Variants in LONP1 observed in about 807,000 individuals in gnomAD.
LONP1 encodes lon protease homolog, mitochondrial.
LONP1 carries 31 observed loss-of-function variants against 98.5 expected under a neutral mutation model. That is an observed-to-expected ratio of 0.31 (90% CI 0.24 to 0.42). LONP1 has a LOEUF of 0.42. LONP1 is among the 20% of genes least tolerant of loss of function. LONP1 has a pLI of 1.00. For synonymous variants in LONP1, 781 were observed against 594.7 expected, an observed-to-expected ratio of 1.31 and a Z score of -4.56; for missense variants, 1,336 against 1,350.6, an observed-to-expected ratio of 0.99 and a Z score of 0.17.
intron 4 of LONP1, chr19:5,708,610 G>A: frequency 4.4e-6 from 2 of 457,634 alleles, no homozygotes; most frequent in Non-Finnish European, 8.3e-6. Context: ...GACCAAGAGA[G>A]TCAAAACTAA....
intron 17 of LONP1, 93 bp downstream of exon 17, chr19:5,693,205 T>G: frequency 5.4e-6 from 8 of 1,470,424 alleles, no homozygotes; most frequent in Non-Finnish European, 7.4e-6. Context: ...TCCCTCTCCT[T>G]GGCCCAGGCA....
intron 8 of LONP1, 44 bp from the exon 9 acceptor site, chr19:5,700,971 C>A (rs1301057945): frequency 2.5e-6 from 4 of 1,610,752 alleles, no homozygotes; most frequent in Non-Finnish European, 3.4e-6. Context: ...AGCTCACGAG[C>A]TGCCTGTCTC....
At chr19:5,694,207 C>A (rs1490269996) in intron 15 of LONP1, among the ~76,000 whole-genome samples, 180 bp downstream of exon 15, 1 of 152,180 alleles carries the variant, frequency 6.6e-6, no homozygotes, top group East Asian at 1.9e-4. Context: ...CTGCCACCCC[C>A]ATGTGTCACA....
chr19:5,694,619 C>T lies in LONP1; in HGVS notation c.2155-67G>A, dbSNP rs2436514. On this transcript the variant is annotated intron_variant, in intron 14 of 17. Transcript: ENST00000360614. ...TGACAGGTGCGGGGTGGTGGGGTGACGGGCACAGAAAGGTGTGACGGGCGC... is the reference window on the plus strand; with the variant it reads ...TGACAGGTGCGGGGTGGTGGGGTGATGGGCACAGAAAGGTGTGACGGGCGC... 0.33 allele frequency: 513,227 copies of T among 1,564,956 alleles called. 86,027 individuals are homozygous for T. The highest frequency in any genetic ancestry group is 0.42 in the African/African-American group (30,870 of 73,632).
intron 13 of LONP1, among the ~76,000 whole-genome samples, 172 bp from the exon 14 acceptor site, chr19:5,695,073 G>A (rs2054901988): frequency 6.6e-6 from 1 of 152,004 alleles, no homozygotes; most frequent in Admixed American, 6.5e-5. Flanking sequence ...CATGCCCAGA[G>A]GCCCCAGGCC....
Position 5,700,577 on chromosome 19 carries a change from G to A in LONP1, c.1506+212C>T, listed in dbSNP as rs527952091. 4.9e-4 allele frequency among the ~76,000 whole-genome samples: 74 copies of A among 152,278 alleles called. 1 individual carries two copies. Among genetic ancestry groups the A allele is most frequent in the African/African-American group, 1.6e-3 (68 of 41,570 alleles). Reference sequence around the variant, plus strand: ...GACTACAAGCAGCCCCACCATGCCCGGCCCGTCAGGCATGACTTCAGTCCA... The same window carrying A: ...GACTACAAGCAGCCCCACCATGCCCAGCCCGTCAGGCATGACTTCAGTCCA... On this transcript the variant is annotated intron_variant, in intron 9 of 17. Transcript: ENST00000360614.
intron 17 of LONP1, 141 bp downstream of exon 17, chr19:5,693,157 C>T: frequency 9.6e-7 from 1 of 1,042,498 alleles, no homozygotes; most frequent in Non-Finnish European, 1.4e-6. Context: ...TTAAGGCCAG[C>T]TCCAGGCCAG....
chr19:5,694,596 A>C, intron 14 of LONP1, 44 bp from the exon 15 acceptor site: 1 of 1,552,546 alleles, frequency 6.4e-7, no homozygotes, highest in Non-Finnish European at 8.8e-7. Flanking sequence ...AGGTGGGGTG[A>C]CAGGTGCGGG....
At chr19:5,715,863 C>T (rs957157987) in intron 1 of LONP1, among the ~76,000 whole-genome samples, 25 of 151,832 alleles carry the variant, frequency 1.6e-4, no homozygotes, top group Middle Eastern at 3.4e-3. Flanking sequence ...CGCCATGAGC[C>T]ACCATGCCTG....
chr19:5,709,782 G>C (rs932612846), intron 4 of LONP1, among the ~76,000 whole-genome samples: 4 of 151,688 alleles, frequency 2.6e-5, no homozygotes, highest in African/African-American at 9.7e-5. Context: ...TGTGGTGGCG[G>C]GCACCTGTAG....
chr19:5,691,934 C>CGGT lies in LONP1; in HGVS notation c.*95_*97dup. 4 of 1,418,268 alleles carry CGGT rather than the reference C, an allele frequency of 2.8e-6. No individual in the cohort carries two copies. The highest frequency in any genetic ancestry group is 3.8e-6 in the Non-Finnish European group (4 of 1,051,268). The allele number at this position is 1,418,268 out of a possible 1,614,324, so 87.9% of individuals were successfully genotyped here. On this transcript the variant is annotated 3_prime_UTR_variant, in exon 18 of 18. Coordinates refer to ENST00000360614, the MANE Select transcript of LONP1 (RefSeq NM_004793.4). Reference sequence around the variant, plus strand: ...GGGTCACTGGACCGAGCTGCTCGCTCGGTGGCTCCACTGCCAGGTCCGGGC... The same window carrying CGGT: ...GGGTCACTGGACCGAGCTGCTCGCTCGGTGGTGGCTCCACTGCCAGGTCCGGGC...
intron 2 of LONP1, among the ~76,000 whole-genome samples, chr19:5,713,474 C>T (rs1410562086): frequency 2.0e-5 from 3 of 152,200 alleles, no homozygotes; most frequent in African/African-American, 4.8e-5. Context: ...GGTGGCTCCT[C>T]GCTAAGTCAG....
At chr19:5,711,723 C>T (rs774373223) in intron 4 of LONP1, 48 bp downstream of exon 4, 4 of 1,503,040 alleles carry the variant, frequency 2.7e-6, no homozygotes, top group Non-Finnish European at 3.7e-6. Context: ...CTCAAGGGAG[C>T]CCGTGGGGGA....
chr19:5,719,813 G>A lies in LONP1; in HGVS notation c.320C>T (p.Pro107Leu). The A allele has an allele frequency of 3.7e-6, 6 of 1,611,670 alleles. No homozygotes were observed. The highest frequency in any genetic ancestry group is 1.1e-5 in the South Asian group (1 of 91,044). The change falls in exon 1 of 18, where the codon CCG becomes CTG. Residue 107 changes from proline to leucine, a missense_variant. By Grantham distance (98) the Pro-to-Leu change is moderately conservative. Around this residue, in one of 5 missense-constraint regions of LONP1, gnomAD observed 457 missense variants for 403.1 expected, o/e 1.13. Transcript: ENST00000360614. ...AGGSAGAGEG[P>L]VITALTPMTI... is the part of the protein sequence containing the mutation. ...CATGGGCGTGAGCGCCGTTATGACCGGGCCTTCCCCGGCGCCCGCGCTGCC... is the reference window on the plus strand; with the variant it reads ...CATGGGCGTGAGCGCCGTTATGACCAGGCCTTCCCCGGCGCCCGCGCTGCC...
At chr19:5,703,804 G>C (rs1272862627) in intron 8 of LONP1, among the ~76,000 whole-genome samples, 2 of 152,058 alleles carry the variant, frequency 1.3e-5, no homozygotes, top group Non-Finnish European at 2.9e-5. Context: ...CTGAGGGCTT[G>C]TCCCCCGTGA....
Position 5,700,633 on chromosome 19 carries a change from G to C in LONP1, c.1506+156C>G, listed in dbSNP as rs7259019. On this transcript the variant is annotated intron_variant, in intron 9 of 17. Transcript: ENST00000360614. Reference sequence around the variant, plus strand: ...GAAATCCTCGAGCCCTCGGGGGCAGGGCAGGATGCTACCTCCGCCGGGATC... The same window carrying C: ...GAAATCCTCGAGCCCTCGGGGGCAGCGCAGGATGCTACCTCCGCCGGGATC... 1.2e-3 allele frequency among the ~76,000 whole-genome samples: 185 copies of C among 152,316 alleles called. 1 individual carries two copies. The highest frequency in any genetic ancestry group is 4.3e-3 in the African/African-American group (179 of 41,568).
At chr19:5,701,440 C>T (rs1447701495) in intron 8 of LONP1, among the ~76,000 whole-genome samples, 1 of 152,214 alleles carries the variant, frequency 6.6e-6, no homozygotes, top group Admixed American at 6.5e-5. Context: ...GCCTGGTTCT[C>T]CTGCCTGAGC....
At chr19:5,698,191 G>C (rs572194018) in intron 10 of LONP1, among the ~76,000 whole-genome samples, 2 of 152,044 alleles carry the variant, frequency 1.3e-5, no homozygotes, top group African/African-American at 2.4e-5. Flanking sequence ...GACACTGCGC[G>C]GGCCAGCATG....
In LONP1 at chr19:5,719,810, A is replaced by C. The variant is rs368521347; in HGVS notation, c.323T>G (p.Val108Gly). 17 of 1,611,884 alleles carry C rather than the reference A, an allele frequency of 1.1e-5. No homozygotes were observed. Among genetic ancestry groups the C allele is most frequent in the Non-Finnish European group, 1.4e-5 (16 of 1,179,740 alleles). Residue 108 changes from valine to glycine, a missense_variant, in exon 1 of 18, where the codon GTC becomes GGC. Physicochemically the swap from Val to Gly is moderately radical, Grantham distance 109. Around this residue, in one of 5 missense-constraint regions of LONP1, gnomAD observed 457 missense variants for 403.1 expected, o/e 1.13. Coordinates refer to ENST00000360614, the MANE Select transcript of LONP1 (RefSeq NM_004793.4). ...CGTCATGGGCGTGAGCGCCGTTATG[A>C]CCGGGCCTTCCCCGGCGCCCGCGCT... Reference protein sequence around the residue: ...GGSAGAGEGPVITALTPMTIP... With the variant: ...GGSAGAGEGPGITALTPMTIP...
Sources: gnomAD v4.1 joint callset for allele counts (sites outside exome capture counted in the v4.1 genomes callset) on GRCh38, gnomAD v4.1.1 for gene constraint, gnomAD v4.1.1 regional missense constraint, MANE v1.5 for transcripts, NCBI Gene and HGNC (gene_info 2026-07-23, HGNC 2026-07-21) for gene names.